The following SGCD variants were observed in gnomAD, a reference collection of about 807,000 sequenced individuals.
SGCD encodes the protein sarcoglycan delta.
A neutral mutation model predicts 36.6 loss-of-function variants in SGCD; 18 were observed. The ratio of observed to expected loss-of-function variants is 0.49; its 90% CI spans 0.34 to 0.73. The LOEUF is 0.73. Among genes scored for constraint, SGCD ranks in the 30% least tolerant of loss-of-function variants. SGCD has a pLI of 0.01. For synonymous variants in SGCD, 133 were observed against 130.6 expected, an observed-to-expected ratio of 1.02 and a Z score of -0.12; for missense variants, 387 against 346.7, an observed-to-expected ratio of 1.12 and a Z score of -0.92.
intron 3 of SGCD, among the ~76,000 whole-genome samples, chr5:156,458,780 G>C (rs1424794361): frequency 6.6e-6 from 1 of 152,176 alleles, no homozygotes; most frequent in Admixed American, 6.5e-5. Flanking sequence ...TGAATTTCAA[G>C]AGCATGATGA....
chr5:156,409,602 C>A (rs1401627287), intron 3 of SGCD, among the ~76,000 whole-genome samples: 1 of 152,204 alleles, frequency 6.6e-6, no homozygotes, highest in African/African-American at 2.4e-5. Context: ...TGCATTGCAT[C>A]TATGCCCAGC....
rs996480605 is a variant in SGCD, at chr5:156,728,256, T to C, written c.576-29325T>C. On this transcript the variant is annotated intron_variant, in intron 7 of 8. Coordinates refer to ENST00000337851, the MANE Select transcript of SGCD (RefSeq NM_000337.6). ...TCAGAAACTGGAATTCTCATAGTAATGGTACCTTCTTCCTCTCTCTCCTCC... is the reference window on the plus strand; with the variant it reads ...TCAGAAACTGGAATTCTCATAGTAACGGTACCTTCTTCCTCTCTCTCCTCC... Among the ~76,000 whole-genome samples the C allele has an allele frequency of 2.0e-5, 3 of 152,242 alleles. No individual in the cohort carries two copies. In the East Asian group the frequency reaches 5.8e-4, roughly 29 times the overall value.
At chr5:156,095,223 G>T (rs993196162) in intron 1 of SGCD, among the ~76,000 whole-genome samples, 14 of 152,132 alleles carry the variant, frequency 9.2e-5, no homozygotes, top group Non-Finnish European at 7.4e-5. Flanking sequence ...GTATGCCTAC[G>T]CAAATCTCAC....
chr5:156,211,452 A>G (rs530985037), intron 3 of SGCD, among the ~76,000 whole-genome samples: 176 of 152,044 alleles, frequency 1.2e-3, no homozygotes, highest in Middle Eastern at 3.4e-3. Flanking sequence ...CTAAAAATAC[A>G]AAAAAATTAG....
chr5:155,984,452 C>T (rs1030461344), intron 1 of SGCD, among the ~76,000 whole-genome samples: 5 of 152,224 alleles, frequency 3.3e-5, no homozygotes, highest in African/African-American at 1.2e-4. Context: ...AGTATCATTT[C>T]ATGTACATGA....
At chr5:156,113,837 A>G (rs1029030894) in intron 1 of SGCD, among the ~76,000 whole-genome samples, 28 of 152,320 alleles carry the variant, frequency 1.8e-4, no homozygotes, top group South Asian at 1.0e-3. Flanking sequence ...TGCTAAGAAG[A>G]AATTTTTATC....
At chr5:156,321,497 T>G (rs1218485203) in intron 3 of SGCD, among the ~76,000 whole-genome samples, 1 of 152,112 alleles carries the variant, frequency 6.6e-6, no homozygotes, top group Non-Finnish European at 1.5e-5. Context: ...GAAGTGAGTC[T>G]TTGGTATTTT....
chr5:155,797,234 A>G, the SGCD span, among the ~76,000 whole-genome samples: 10 of 152,294 alleles, frequency 6.6e-5, no homozygotes, highest in African/African-American at 2.4e-4. Context: ...GGCCTACATA[A>G]TTTCACCAAT....
At chr5:156,213,460 T>C (rs913656717) in intron 3 of SGCD, among the ~76,000 whole-genome samples, 3 of 151,990 alleles carry the variant, frequency 2.0e-5, no homozygotes, top group Non-Finnish European at 2.9e-5. Context: ...AGTAATGTTA[T>C]TGATTTGGTG....
intron 6 of SGCD, among the ~76,000 whole-genome samples, chr5:156,640,320 A>C (rs1217538768): frequency 6.6e-6 from 1 of 151,886 alleles, no homozygotes. Flanking sequence ...ATATATATAC[A>C]TTTGTGCTTT....
intron 6 of SGCD, among the ~76,000 whole-genome samples, chr5:156,611,174 A>G (rs1348596313): frequency 6.6e-6 from 1 of 152,210 alleles, no homozygotes; most frequent in Non-Finnish European, 1.5e-5. Context: ...CTATTCAGCC[A>G]TCTTGGCTCC....
At chr5:155,731,848 C>T in the SGCD span, among the ~76,000 whole-genome samples, 8 of 152,186 alleles carry the variant, frequency 5.3e-5, no homozygotes, top group African/African-American at 1.9e-4. Context: ...GGTTCTAAAG[C>T]AGGTGGTCCC....
intron 3 of SGCD, 66 bp from the exon 4 acceptor site, chr5:156,508,535 C>T (rs1353597017): frequency 5.6e-6 from 5 of 895,810 alleles, no homozygotes; most frequent in Admixed American, 2.2e-5. Context: ...ACGTTTTTTA[C>T]AGCCTGAGGT....
intron 7 of SGCD, among the ~76,000 whole-genome samples, chr5:156,703,682 T>C (rs1446742199): frequency 6.6e-6 from 1 of 152,168 alleles, no homozygotes; most frequent in Non-Finnish European, 1.5e-5. Context: ...TGTTGAACCT[T>C]GAGGATACAG....
intron 1 of SGCD, among the ~76,000 whole-genome samples, chr5:156,327,578 A>C (rs1034859165): frequency 2.6e-5 from 4 of 152,212 alleles, no homozygotes; most frequent in Non-Finnish European, 4.4e-5. Context: ...ACTGGCAAGG[A>C]AGATAATTTC....
intron 1 of SGCD, among the ~76,000 whole-genome samples, chr5:156,072,460 C>T (rs552073936): frequency 0.018 from 2,764 of 151,950 alleles, 78 homozygotes; most frequent in African/African-American, 0.063. Context: ...ATATTGGCCC[C>T]CACTCTCTTC....
At chr5:156,582,884 A>C (rs1389936381) in intron 4 of SGCD, among the ~76,000 whole-genome samples, 1 of 152,172 alleles carries the variant, frequency 6.6e-6, no homozygotes, top group African/African-American at 2.4e-5. Flanking sequence ...ACTTCCTGAG[A>C]AGCTTCTTTG....
chr5:155,912,517 G>A lies in SGCD; in HGVS notation c.-282+42093G>A, dbSNP rs371750987. Among the ~76,000 whole-genome samples, 5 of 152,132 alleles carry A rather than the reference G, an allele frequency of 3.3e-5. No homozygotes were observed. In the East Asian group the frequency reaches 7.7e-4, roughly 23 times the overall value. On this transcript the variant is annotated intron_variant, in intron 1 of 9. Transcript: ENST00000517913. ...TCTTCAAACAGTGCCAGGCTGAAGC[G>A]GCACAGTCTGCTCCGTGTGCGGCAA...
chr5:156,747,782 G>C (rs1214346879), intron 7 of SGCD, among the ~76,000 whole-genome samples: 1 of 152,134 alleles, frequency 6.6e-6, no homozygotes, highest in Admixed American at 6.6e-5. Flanking sequence ...AATAACATAA[G>C]GGCATGAAAA....
Sources: gnomAD v4.1 joint callset for allele counts (sites outside exome capture counted in the v4.1 genomes callset) on GRCh38, gnomAD v4.1.1 for gene constraint, MANE v1.5 for transcripts, NCBI Gene and HGNC (gene_info 2026-07-23, HGNC 2026-07-21) for gene names.